The following CDC42SE2 variants were observed in gnomAD, a reference collection of about 807,000 sequenced individuals.
CDC42SE2 encodes CDC42 small effector 2, also known as CDC42 small effector protein 2.
CDC42SE2 carries 3 observed loss-of-function variants against 11.5 expected under a neutral mutation model. The observed-to-expected ratio is 0.26, with a 90% CI of 0.12 to 0.67. The LOEUF (loss-of-function observed/expected upper bound fraction) is 0.67. Among genes scored for constraint, CDC42SE2 ranks in the 30% least tolerant of loss-of-function variants. The pLI is 0.80. For missense variants in CDC42SE2, 82 were observed against 106.8 expected, an observed-to-expected ratio of 0.77 and a Z score of 1.02; for synonymous variants, 33 against 34.8, an observed-to-expected ratio of 0.95 and a Z score of 0.18.
chr5:131,219,085 G>C, the CDC42SE2 span, among the ~76,000 whole-genome samples: 1 of 152,162 alleles, frequency 6.6e-6, no homozygotes, highest in African/African-American at 2.4e-5. Context: ...ATGCAATTGT[G>C]AGCATTCACT....
intron 2 of CDC42SE2, among the ~76,000 whole-genome samples, chr5:131,345,347 C>T (rs951296828): frequency 3.9e-5 from 6 of 151,980 alleles, no homozygotes; most frequent in East Asian, 3.9e-4. Context: ...ACAAGAACTA[C>T]GTGACTCATG....
chr5:131,363,299 T>G (rs1749764994), intron 3 of CDC42SE2, among the ~76,000 whole-genome samples: 1 of 152,094 alleles, frequency 6.6e-6, no homozygotes, highest in Non-Finnish European at 1.5e-5. Context: ...TCTATTCATA[T>G]TATTTGCCTT....
chr5:131,262,070 T>C (rs1756732063), upstream of CDC42SE2, among the ~76,000 whole-genome samples: 1 of 152,022 alleles, frequency 6.6e-6, no homozygotes, highest in South Asian at 2.1e-4. Flanking sequence ...AGGTAAATGA[T>C]AGAAAATTTA....
At chr5:131,388,220 C>A (rs1364285985) in intron 4 of CDC42SE2, among the ~76,000 whole-genome samples, 1 of 152,174 alleles carries the variant, frequency 6.6e-6, no homozygotes, top group African/African-American at 2.4e-5. Context: ...GTCTCAAACT[C>A]CGGACCTCCG....
At chr5:131,241,128 A>G (rs540963237), upstream of CDC42SE2, among the ~76,000 whole-genome samples, 36 of 152,130 alleles carry the variant, frequency 2.4e-4, no homozygotes, top group African/African-American at 7.5e-4. Flanking sequence ...ACAGGCGTCC[A>G]CCACCACGCC....
intron 1 of CDC42SE2, among the ~76,000 whole-genome samples, chr5:131,303,377 T>G (rs1435726886): frequency 6.6e-6 from 1 of 152,142 alleles, no homozygotes; most frequent in Non-Finnish European, 1.5e-5. Context: ...AATGTCAGAG[T>G]GATTTAATAG....
At chr5:131,320,054 GAAAAAAAAA>G (rs763857152) in intron 2 of CDC42SE2, among the ~76,000 whole-genome samples, 10 of 62,786 alleles carry the variant, frequency 1.6e-4, no homozygotes, top group African/African-American at 2.6e-4. Context: ...CCGTCTTAAA[GAAAAAAAAA>G]AAAAAAAAAA....
At chr5:131,346,342 G>A (rs1159578838) in intron 2 of CDC42SE2, among the ~76,000 whole-genome samples, 1 of 152,020 alleles carries the variant, frequency 6.6e-6, no homozygotes, top group Admixed American at 6.6e-5. Flanking sequence ...AAAAAAGGAG[G>A]GGTTGCAATC....
intron 1 of CDC42SE2, among the ~76,000 whole-genome samples, chr5:131,296,967 C>T (rs891151031): frequency 6.6e-5 from 10 of 151,866 alleles, no homozygotes; most frequent in African/African-American, 2.4e-4. Context: ...TAACTCCAAC[C>T]TAAGATTGCA....
chr5:131,235,735 C>T, the CDC42SE2 span, among the ~76,000 whole-genome samples: 1 of 152,074 alleles, frequency 6.6e-6, no homozygotes, highest in South Asian at 2.1e-4. Flanking sequence ...GCTGGGACTA[C>T]AGGCACGTGC....
chr5:131,346,556 A>C (rs1277428730), intron 2 of CDC42SE2, among the ~76,000 whole-genome samples: 1 of 152,230 alleles, frequency 6.6e-6, no homozygotes, highest in African/African-American at 2.4e-5. Flanking sequence ...TAATAATGGC[A>C]GACTTTAACA....
At chr5:131,246,761 C>CAT (rs767892172) in intron 1 of CDC42SE2, among the ~76,000 whole-genome samples, 2 of 124,480 alleles carry the variant, frequency 1.6e-5, no homozygotes, top group Non-Finnish European at 3.3e-5. Context: ...CACTCAAATC[C>CAT]TTTTTTTTTT....
intron 2 of CDC42SE2, among the ~76,000 whole-genome samples, chr5:131,349,597 G>C (rs1046995109): frequency 2.0e-5 from 3 of 152,166 alleles, no homozygotes; most frequent in Admixed American, 6.5e-5. Context: ...GCCCCTAACT[G>C]CCATGTCGTT....
chr5:131,266,358 G>T (rs1371006496), intron 1 of CDC42SE2, among the ~76,000 whole-genome samples: 1 of 151,298 alleles, frequency 6.6e-6, no homozygotes, highest in African/African-American at 2.4e-5. Context: ...GGGCTGTTTT[G>T]ACTGTTAATG....
intron 1 of CDC42SE2, among the ~76,000 whole-genome samples, chr5:131,314,083 A>C (rs1053521337): frequency 2.0e-5 from 3 of 152,200 alleles, no homozygotes; most frequent in African/African-American, 7.2e-5. Flanking sequence ...TATATTGATC[A>C]AATTGGGGAG....
intron 1 of CDC42SE2, among the ~76,000 whole-genome samples, chr5:131,307,073 A>C (rs1341803781): frequency 6.6e-6 from 1 of 150,510 alleles, no homozygotes; most frequent in Non-Finnish European, 1.5e-5. Flanking sequence ...TAATTTTTTT[A>C]TTATTATTAT....
intron 2 of CDC42SE2, among the ~76,000 whole-genome samples, chr5:131,322,052 G>T (rs541396326): frequency 2.8e-4 from 42 of 151,626 alleles, no homozygotes; most frequent in African/African-American, 1.0e-3. Flanking sequence ...GGGTTTCACC[G>T]TGTTAGCCAG....
At chr5:131,384,907 C>CCAT (rs1398304078) in intron 3 of CDC42SE2, among the ~76,000 whole-genome samples, 1 of 126,810 alleles carries the variant, frequency 7.9e-6, no homozygotes, top group Non-Finnish European at 1.6e-5. Context: ...TAGCAAGACT[C>CCAT]CATCTCAAAA....
chr5:131,296,982 A>G (rs1757582296), intron 1 of CDC42SE2, among the ~76,000 whole-genome samples: 1 of 152,118 alleles, frequency 6.6e-6, no homozygotes, highest in Non-Finnish European at 1.5e-5. Context: ...ATTGCAGCAT[A>G]TTTATTAAAA....
Sources: allele counts gnomAD v4.1 joint callset (sites outside exome capture counted in the v4.1 genomes callset), GRCh38; gene constraint gnomAD v4.1.1; transcripts MANE v1.5; gene names NCBI Gene and HGNC (gene_info 2026-07-23, HGNC 2026-07-21).